The following OCA2 variants were observed in gnomAD, a reference collection of about 807,000 sequenced individuals.
OCA2 encodes P protein.
In OCA2, 77 loss-of-function variants were observed where a neutral mutation model predicts 100.2. That is an observed-to-expected ratio of 0.77 (90% CI 0.64 to 0.93). The LOEUF is 0.93. OCA2 is among the 40% of genes least tolerant of loss of function. The pLI is 0.00. For synonymous variants in OCA2, 432 were observed against 439.2 expected, an observed-to-expected ratio of 0.98 and a Z score of 0.21; for missense variants, 1,062 against 1,089.1, an observed-to-expected ratio of 0.98 and a Z score of 0.35.
chr15:27,766,056 C>T (rs1156626056), intron 23 of OCA2, among the ~76,000 whole-genome samples: 4 of 152,192 alleles, frequency 2.6e-5, no homozygotes, highest in Non-Finnish European at 5.9e-5. Flanking sequence ...GTTCAGACAG[C>T]TCTGACAAAG....
chr15:28,062,047 A>C (rs968204681), intron 2 of OCA2, among the ~76,000 whole-genome samples: 1 of 152,236 alleles, frequency 6.6e-6, no homozygotes, highest in Non-Finnish European at 1.5e-5. Context: ...CAAGTTTTAC[A>C]CAGGCATGTC....
the OCA2 span, among the ~76,000 whole-genome samples, chr15:27,733,371 C>T: frequency 6.6e-6 from 1 of 152,166 alleles, no homozygotes; most frequent in African/African-American, 2.4e-5. Context: ...TCTGTCACTC[C>T]CCTGTCTCCA....
At chr15:27,731,068 A>C in the OCA2 span, among the ~76,000 whole-genome samples, 1 of 152,140 alleles carries the variant, frequency 6.6e-6, no homozygotes, top group South Asian at 2.1e-4. Context: ...AGTAAGCAGA[A>C]TGGCATTCTC....
intron 6 of OCA2, among the ~76,000 whole-genome samples, chr15:28,018,864 G>A (rs1285065628): frequency 6.6e-6 from 1 of 152,130 alleles, no homozygotes; most frequent in Non-Finnish European, 1.5e-5. Flanking sequence ...GAATGGACAG[G>A]CCTCGCCAGG....
In OCA2 at chr15:27,870,728, GAAGGA is replaced by G. The variant is rs1177384539; in HGVS notation, c.2244+421_2244+425del. On this transcript the variant is annotated intron_variant, in intron 21 of 23. Transcript: ENST00000354638. Reference sequence around the variant, plus strand: ...GGAAGGAAGGAAGGAAGGAAAGAAGGAAGGAAGGGAGGGAGGGAGGGAGGGAAGGA... The same window carrying G: ...GGAAGGAAGGAAGGAAGGAAAGAAGGAGGGAGGGAGGGAGGGAGGGAAGGA... Among the ~76,000 whole-genome samples the G allele has an allele frequency of 3.3e-3, 344 of 104,522 alleles. 1 individual carries two copies. Among genetic ancestry groups the G allele is most frequent in the African/African-American group, 0.012 (333 of 27,416 alleles). 68.6% of individuals were successfully genotyped at this position (104,522 alleles called of 152,430 possible). A position where few individuals can be genotyped will look rare whatever the true frequency, so the allele number is the denominator to read the frequency against.
chr15:27,752,894 A>G (rs987776949), downstream of OCA2, among the ~76,000 whole-genome samples: 13 of 143,618 alleles, frequency 9.1e-5, no homozygotes, highest in African/African-American at 3.1e-4. Context: ...CACTTACCCA[A>G]TGTGGGCAGA....
intron 18 of OCA2, among the ~76,000 whole-genome samples, chr15:27,938,630 A>G (rs539591355): frequency 5.3e-5 from 8 of 152,184 alleles, no homozygotes; most frequent in African/African-American, 1.4e-4. Context: ...AAATATGAAG[A>G]CCTCTAATGA....
chr15:27,936,228 C>G (rs1595679168), intron 18 of OCA2, among the ~76,000 whole-genome samples: 1 of 151,944 alleles, frequency 6.6e-6, no homozygotes, highest in African/African-American at 2.4e-5. Context: ...CCCAGTGCTT[C>G]CTTGTGGGGA....
chr15:27,865,070 G>C (rs896825662), intron 21 of OCA2, among the ~76,000 whole-genome samples: 3 of 152,010 alleles, frequency 2.0e-5, no homozygotes, highest in Admixed American at 2.0e-4. Context: ...GAGTTCACCT[G>C]TTGCTCTCAG....
At chr15:27,848,519 G>C (rs185695474) in intron 22 of OCA2, among the ~76,000 whole-genome samples, 19 of 152,300 alleles carry the variant, frequency 1.2e-4, no homozygotes, top group East Asian at 3.9e-4. Flanking sequence ...AGAAGCACAG[G>C]GGGGTCGGGC....
intron 2 of OCA2, 97 bp from the exon 3 acceptor site, chr15:28,032,260 C>A: frequency 1.0e-6 from 1 of 960,344 alleles, no homozygotes; most frequent in South Asian, 1.3e-5. Context: ...GCCCAAGATT[C>A]AGTGATAAAT....
At chr15:27,732,633 T>C in the OCA2 span, among the ~76,000 whole-genome samples, 11,269 of 152,196 alleles carry the variant, frequency 0.074, 902 homozygotes, top group African/African-American at 0.2. Context: ...GCTGCTGTAT[T>C]GCTGTGCAGG....
intron 1 of OCA2, among the ~76,000 whole-genome samples, chr15:28,095,837 C>G (rs1242368729): frequency 2.0e-5 from 3 of 152,174 alleles, no homozygotes. Flanking sequence ...GAAAGGCAGT[C>G]CCTCTGCAGC....
chr15:28,070,748 A>T (rs1224501551), intron 2 of OCA2, among the ~76,000 whole-genome samples: 1 of 149,468 alleles, frequency 6.7e-6, no homozygotes, highest in Non-Finnish European at 1.5e-5. Context: ...AGAGATTGAG[A>T]AATCGGATGG....
chr15:28,022,660 G>A (rs2042631759), intron 5 of OCA2, 87 bp from the exon 6 acceptor site: 1 of 934,328 alleles, frequency 1.1e-6, no homozygotes, highest in Non-Finnish European at 1.7e-6. Flanking sequence ...GAAAACAGAT[G>A]TGATGATGGG....
intron 23 of OCA2, among the ~76,000 whole-genome samples, chr15:27,758,757 A>G (rs1455148592): frequency 6.6e-6 from 1 of 152,180 alleles, no homozygotes; most frequent in East Asian, 1.9e-4. Context: ...GTGAACTTGA[A>G]GATACAACAA....
intron 16 of OCA2, among the ~76,000 whole-genome samples, chr15:27,955,683 C>T (rs556207096): frequency 6.6e-6 from 1 of 151,500 alleles, no homozygotes; most frequent in African/African-American, 2.4e-5. Flanking sequence ...TTTTATCAAT[C>T]GATGATCACT....
chr15:27,823,135 T>TA (rs1389450930), intron 23 of OCA2, among the ~76,000 whole-genome samples: 1 of 152,256 alleles, frequency 6.6e-6, no homozygotes, highest in Non-Finnish European at 1.5e-5. Context: ...ATTGTAGTGT[T>TA]ACCTCTGTCA....
intron 2 of OCA2, among the ~76,000 whole-genome samples, chr15:28,062,781 A>T (rs1476062606): frequency 6.6e-6 from 1 of 152,204 alleles, no homozygotes; most frequent in Non-Finnish European, 1.5e-5. Context: ...GTGGATAGCC[A>T]GTTATCCCAG....
Sources: allele counts gnomAD v4.1 joint callset (sites outside exome capture counted in the v4.1 genomes callset), GRCh38; gene constraint gnomAD v4.1.1; transcripts MANE v1.5; gene names NCBI Gene and HGNC (gene_info 2026-07-23, HGNC 2026-07-21).